The following DGKB variants were observed in gnomAD, a reference collection of about 807,000 sequenced individuals.
DGKB encodes diacylglycerol kinase beta.
In DGKB, 67 loss-of-function variants were observed where a neutral mutation model predicts 114.3. The observed-to-expected ratio is 0.59, with a 90% CI of 0.48 to 0.72. The LOEUF (loss-of-function observed/expected upper bound fraction) is 0.72. Among genes scored for constraint, DGKB ranks in the 30% least tolerant of loss-of-function variants. The pLI, the probability that DGKB is intolerant of heterozygous loss-of-function variation, is 0.00. For missense variants in DGKB, 907 were observed against 975.2 expected (o/e 0.93, Z 0.93); for synonymous variants, 398 against 323.1 (o/e 1.23, Z -2.49).
At position 14,627,222 on chromosome 7, in the gene DGKB, T is replaced by C. The variant is rs992567291; in HGVS notation, c.1167+3014A>G. On this transcript the variant is annotated intron_variant, in intron 14 of 25. Coordinates refer to ENST00000402815, the MANE Select transcript of DGKB (RefSeq NM_001350709.2). ...ACTTTATTTGCCCACTAAGTCACCA[T>C]AGCTGAGAATAATTGCTGTGGTGAT... Among the ~76,000 whole-genome samples the C allele has an allele frequency of 2.6e-5, 4 of 152,326 alleles. No homozygotes were observed. The South Asian group carries it at 6.2e-4, about 24-fold the overall frequency.
intron 15 of DGKB, 196 bp downstream of exon 15, chr7:14,621,182 T>G (rs1807573129): frequency 2.1e-6 from 1 of 470,842 alleles, no homozygotes; most frequent in Non-Finnish European, 3.7e-6. Context: ...CATAAATGAT[T>G]AATTTAACCA....
At chr7:14,587,518 A>G (rs555592237) in intron 17 of DGKB, among the ~76,000 whole-genome samples, 20 of 152,296 alleles carry the variant, frequency 1.3e-4, no homozygotes, top group African/African-American at 4.8e-4. Context: ...AGGATTTGAG[A>G]AGACTGACTC....
intron 5 of DGKB, among the ~76,000 whole-genome samples, chr7:14,720,729 CAG>C (rs1829035195): frequency 6.6e-6 from 1 of 151,528 alleles, no homozygotes; most frequent in East Asian, 1.9e-4. Context: ...AAGTTATCAA[CAG>C]AGACATATAT....
intron 21 of DGKB, among the ~76,000 whole-genome samples, chr7:14,429,931 C>A (rs201956623): frequency 9.9e-5 from 15 of 151,656 alleles, no homozygotes; most frequent in Non-Finnish European, 1.5e-4. Flanking sequence ...TGTCCCCCCC[C>A]CCAAAAAAAA....
At chr7:14,336,099 C>T (rs1485306097) in intron 23 of DGKB, among the ~76,000 whole-genome samples, 5 of 152,100 alleles carry the variant, frequency 3.3e-5, no homozygotes, top group Non-Finnish European at 1.5e-5. Context: ...AGAAATATTA[C>T]TATTTAGGAA....
chr7:14,603,559 TAC>T (rs1420614024), intron 17 of DGKB, among the ~76,000 whole-genome samples: 5 of 152,140 alleles, frequency 3.3e-5, no homozygotes. Flanking sequence ...TTCTAAATTA[TAC>T]ATTTATTTTA....
At chr7:14,213,382 A>G (rs1459553246) in intron 23 of DGKB, among the ~76,000 whole-genome samples, 7 of 152,148 alleles carry the variant, frequency 4.6e-5, no homozygotes, top group Non-Finnish European at 2.9e-5. Flanking sequence ...TTGACATATT[A>G]CATTCCCAAG....
At chr7:14,821,118 A>C (rs927718133) in intron 2 of DGKB, among the ~76,000 whole-genome samples, 2 of 152,184 alleles carry the variant, frequency 1.3e-5, no homozygotes, top group East Asian at 3.9e-4. Context: ...TTGACTAAAA[A>C]GGGTAAAATC....
At chr7:14,515,693 T>C (rs899440826) in intron 20 of DGKB, among the ~76,000 whole-genome samples, 5 of 152,236 alleles carry the variant, frequency 3.3e-5, no homozygotes, top group Non-Finnish European at 7.3e-5. Context: ...CTTCTGTCTT[T>C]GTCATCTAGA....
In DGKB at chr7:14,379,016, A is replaced by G. The variant is rs188640646; in HGVS notation, c.1836-33625T>C. Among the ~76,000 whole-genome samples, 25 of 149,780 alleles carry G rather than the reference A, an allele frequency of 1.7e-4. 1 individual carries two copies. In the East Asian group the frequency reaches 3.8e-3, roughly 23 times the overall value. Reference sequence around the variant, plus strand: ...AAAGTAAAGCATAATGAGATTGGGGAAAATGTCATCTGAGGAAAAAAATCT... The same window carrying G: ...AAAGTAAAGCATAATGAGATTGGGGGAAATGTCATCTGAGGAAAAAAATCT... On this transcript the variant is annotated intron_variant, in intron 21 of 25. Coordinates refer to ENST00000402815, the MANE Select transcript of DGKB (RefSeq NM_001350709.2).
intron 1 of DGKB, chr7:14,974,599 C>T (rs910523947): frequency 1.1e-4 from 16 of 151,988 alleles, no homozygotes; most frequent in Non-Finnish European, 2.2e-4. Flanking sequence ...GCATTTATTC[C>T]ATCAAATAGA....
At chr7:14,825,031 T>TATATAC (rs1554292361) in intron 2 of DGKB, among the ~76,000 whole-genome samples, 2 of 138,968 alleles carry the variant, frequency 1.4e-5, no homozygotes, top group East Asian at 4.2e-4. Context: ...TATATATATA[T>TATATAC]ATATATATAT....
intron 23 of DGKB, among the ~76,000 whole-genome samples, chr7:14,312,816 G>A (rs2215034): frequency 0.65 from 98,457 of 152,040 alleles, 33,163 homozygotes; most frequent in South Asian, 0.74. Context: ...TGTTCCCAAT[G>A]ATAAAATTCA....
intron 1 of DGKB, among the ~76,000 whole-genome samples, chr7:14,885,413 A>T (rs1178964528): frequency 1.3e-5 from 2 of 151,922 alleles, no homozygotes; most frequent in Admixed American, 6.6e-5. Context: ...AAAGGTTGGG[A>T]GAGAAAGCAA....
chr7:14,521,625 C>A (rs1430325202), intron 20 of DGKB, among the ~76,000 whole-genome samples: 1 of 151,732 alleles, frequency 6.6e-6, no homozygotes, highest in East Asian at 1.9e-4. Context: ...ATTGTTATAT[C>A]TTTTTTGAAA....
At chr7:14,348,030 A>G (rs953717057) in intron 21 of DGKB, among the ~76,000 whole-genome samples, 1 of 151,988 alleles carries the variant, frequency 6.6e-6, no homozygotes, top group African/African-American at 2.4e-5. Flanking sequence ...TCCCCCAATG[A>G]AAATATCTTG....
intron 23 of DGKB, among the ~76,000 whole-genome samples, chr7:14,287,645 A>G (rs778760963): frequency 6.6e-6 from 1 of 152,182 alleles, no homozygotes; most frequent in Non-Finnish European, 1.5e-5. Context: ...AGGAATACAC[A>G]GACAACTGAT....
intron 13 of DGKB, among the ~76,000 whole-genome samples, chr7:14,651,081 G>C (rs1002385227): frequency 3.3e-5 from 5 of 152,112 alleles, no homozygotes; most frequent in Non-Finnish European, 5.9e-5. Flanking sequence ...AGGAGGAGCT[G>C]GTACCATTCC....
intron 14 of DGKB, among the ~76,000 whole-genome samples, chr7:14,627,647 C>A (rs1808836568): frequency 6.6e-6 from 1 of 151,192 alleles, no homozygotes; most frequent in South Asian, 2.1e-4. Context: ...ACTTTATATA[C>A]AAAAGAAGAC....
Sources: allele counts gnomAD v4.1 joint callset (sites outside exome capture counted in the v4.1 genomes callset), GRCh38; gene constraint gnomAD v4.1.1; transcripts MANE v1.5; gene names NCBI Gene and HGNC (gene_info 2026-07-23, HGNC 2026-07-21).